Variants in SNUPN observed in about 807,000 individuals in gnomAD.
SNUPN encodes the protein snurportin-1.
A neutral mutation model predicts 39.2 loss-of-function variants in SNUPN; 31 were observed. The observed-to-expected ratio is 0.79, with a 90% CI of 0.59 to 1.07. The LOEUF (loss-of-function observed/expected upper bound fraction) is 1.07, where lower values mean the gene tolerates loss of function less well. Among genes scored for constraint, SNUPN ranks in the 50% least tolerant of loss-of-function variants. SNUPN has a pLI of 0.00. For missense variants in SNUPN, 382 were observed against 434.2 expected, an observed-to-expected ratio of 0.88 and a Z score of 1.07; for synonymous variants, 132 against 159.0, an observed-to-expected ratio of 0.83 and a Z score of 1.28.
Position 75,617,503 on chromosome 15 carries a change from A to G in SNUPN, c.208T>C (p.Trp70Arg). The G allele has an allele frequency of 6.2e-7, 1 of 1,613,916 alleles. No homozygotes were observed. Among genetic ancestry groups the G allele is most frequent in the Non-Finnish European group, 8.5e-7 (1 of 1,180,004 alleles). ...NHARRLAEDD[W>R]TGMESEEENK... The stretch of plus-strand genomic sequence containing the variant: ...TCTTCCTCACTCTCCATCCCTGTCC[A>G]GTCATCTTCAGCCAGTCTTCTGGCA... The change falls in exon 3 of 9, where the codon TGG (tryptophan) becomes CGG (arginine). Residue 70 changes from tryptophan (W) to arginine (R), a missense_variant. Coordinates refer to ENST00000308588, the MANE Select transcript of SNUPN (RefSeq NM_005701.4).
chr15:75,626,065 C>G (rs1893220699), upstream of SNUPN: 2 of 152,474 alleles, frequency 1.3e-5, no homozygotes, highest in South Asian at 2.1e-4. Flanking sequence ...CTGCCGCCTC[C>G]CGCAGATCTT....
At chr15:75,601,785 A>G (rs1218144178) in intron 7 of SNUPN, among the ~76,000 whole-genome samples, 2 of 152,060 alleles carry the variant, frequency 1.3e-5, no homozygotes, top group African/African-American at 4.8e-5. Flanking sequence ...GCCAAAACAA[A>G]AAAACAAAGA....
chr15:75,598,220 A>G lies in SNUPN; in HGVS notation c.*138T>C. 1.5e-6 allele frequency: 1 copy of G among 656,424 alleles called. No individual in the cohort carries two copies. The highest frequency in any genetic ancestry group is 1.8e-5 in the African/African-American group (1 of 55,132). The allele number at this position is 656,424 out of a possible 1,614,324, so 40.7% of individuals were successfully genotyped here. A position where few individuals can be genotyped will look rare whatever the true frequency, so the allele number is the denominator to read the frequency against. On this transcript the variant is annotated 3_prime_UTR_variant, in exon 9 of 9. Transcript: ENST00000308588. ...TGTTTGAGCCAGCATTTCAGATTAT[A>G]GATAAGCTGTTTCCAGCTGGACTGG...
At chr15:75,623,923 AAAT>A (rs1893142628) in intron 1 of SNUPN, among the ~76,000 whole-genome samples, 1 of 134,138 alleles carries the variant, frequency 7.5e-6, no homozygotes, top group East Asian at 2.1e-4. Flanking sequence ...TTTCATGATA[AAAT>A]TTTTTTTTTT....
intron 7 of SNUPN, among the ~76,000 whole-genome samples, chr15:75,604,949 A>G (rs2075319953): frequency 6.6e-6 from 1 of 152,162 alleles, no homozygotes; most frequent in South Asian, 2.1e-4. Flanking sequence ...TTAGCTCCCA[A>G]TTATGAGTGA....
In SNUPN at chr15:75,616,318, T is replaced by C. The variant is rs572478506; in HGVS notation, c.303+1090A>G. 2.6e-5 allele frequency among the ~76,000 whole-genome samples: 4 copies of C among 151,612 alleles called. No individual in the cohort carries two copies. In the East Asian group the frequency reaches 7.8e-4, roughly 30 times the overall value. The stretch of plus-strand genomic sequence containing the variant: ...CTAAAAATACAAAAACTTAGCCGGG[T>C]GTGGTGGCAGGCATCTGTAATCCCA... On this transcript the variant is annotated intron_variant, in intron 3 of 8. Transcript: ENST00000308588.
chr15:75,612,323 G>A (rs1340592926), intron 3 of SNUPN, among the ~76,000 whole-genome samples: 1 of 152,076 alleles, frequency 6.6e-6, no homozygotes, highest in African/African-American at 2.4e-5. Flanking sequence ...ATGAGCCACT[G>A]TGCCTGGCCT....
At chr15:75,600,838 G>T in intron 8 of SNUPN, 1 of 322,944 alleles carries the variant, frequency 3.1e-6, no homozygotes, top group Non-Finnish European at 5.9e-6. Flanking sequence ...ATCTAGGCAT[G>T]CAAGTCTTGC....
chr15:75,614,902 T>C (rs952979956), intron 3 of SNUPN, among the ~76,000 whole-genome samples: 2 of 152,114 alleles, frequency 1.3e-5, no homozygotes, highest in Non-Finnish European at 2.9e-5. Context: ...AGATAAGTAC[T>C]ATTACTATCC....
intron 3 of SNUPN, among the ~76,000 whole-genome samples, chr15:75,616,829 T>C (rs1892951257): frequency 6.6e-6 from 1 of 152,216 alleles, no homozygotes; most frequent in African/African-American, 2.4e-5. Flanking sequence ...GTCAGGTTTA[T>C]TATAGTGATC....
intron 3 of SNUPN, among the ~76,000 whole-genome samples, chr15:75,612,629 C>G (rs1892814963): frequency 6.6e-6 from 1 of 152,040 alleles, no homozygotes; most frequent in East Asian, 1.9e-4. Flanking sequence ...CCACACTCAT[C>G]TATATTGCGA....
At chr15:75,621,757 G>A (rs952807661) in intron 1 of SNUPN, among the ~76,000 whole-genome samples, 2 of 152,148 alleles carry the variant, frequency 1.3e-5, no homozygotes, top group African/African-American at 2.4e-5. Flanking sequence ...CCCCAAACTC[G>A]CCAGGCACGA....
rs1010391767 is a variant in SNUPN, at chr15:75,621,160, T to C, written c.-5-104A>G. The C allele has an allele frequency of 4.4e-6, 5 of 1,141,696 alleles. No individual in the cohort carries two copies. In the East Asian group the frequency reaches 1.0e-4, roughly 23 times the overall value. 70.7% of individuals were successfully genotyped at this position (1,141,696 alleles called of 1,614,324 possible). ...TGATGGCCACATTCCTGAAAAAAAA[T>C]TAACTTAATGCAAAATCACAAGTGT... On this transcript the variant is annotated intron_variant, in intron 1 of 8. Coordinates refer to ENST00000308588, the MANE Select transcript of SNUPN (RefSeq NM_005701.4).
At chr15:75,619,800 G>A (rs920934225) in intron 2 of SNUPN, among the ~76,000 whole-genome samples, 5 of 152,058 alleles carry the variant, frequency 3.3e-5, no homozygotes, top group Non-Finnish European at 5.9e-5. Flanking sequence ...CCAGGCTGGA[G>A]TGCAATGGCG....
Position 75,609,606 on chromosome 15 carries a change from A to G in SNUPN, c.454T>C (p.Phe152Leu). 5 of 1,613,922 alleles carry G rather than the reference A, an allele frequency of 3.1e-6. No homozygotes were observed. The highest frequency in any genetic ancestry group is 4.2e-6 in the Non-Finnish European group (5 of 1,179,892). ...YTKSGYCVNR[F>L]SSLLPGGNRR... ...TTGCCTCCTGGCAGAAGTGAAGAAA[A>G]CCTGTTGACACAGTAGCCACTCTTG... The change falls in exon 5 of 9, where the codon TTT becomes CTT. Residue 152 changes from phenylalanine (F) to leucine (L), a missense_variant. Phe to Leu is a conservative substitution (Grantham distance 22, BLOSUM62 0). Transcript: ENST00000308588.
chr15:75,624,240 A>T (rs1273470301), intron 1 of SNUPN, among the ~76,000 whole-genome samples: 1 of 151,026 alleles, frequency 6.6e-6, no homozygotes, highest in African/African-American at 2.4e-5. Context: ...AAAAATTTTT[A>T]AAAAGTCATT....
intron 8 of SNUPN, 143 bp downstream of exon 8, chr15:75,600,995 G>A: frequency 1.5e-6 from 1 of 678,222 alleles, no homozygotes; most frequent in Admixed American, 2.1e-5. Flanking sequence ...AGGGCAGCAA[G>A]TACATCCTTT....
chr15:75,615,183 C>T (rs532484020), intron 3 of SNUPN, among the ~76,000 whole-genome samples: 1 of 152,086 alleles, frequency 6.6e-6, no homozygotes. Flanking sequence ...ACCCATCACA[C>T]CTGGCTAATT....
At chr15:75,618,909 T>C (rs1893000516) in intron 2 of SNUPN, among the ~76,000 whole-genome samples, 1 of 150,304 alleles carries the variant, frequency 6.7e-6, no homozygotes, top group Non-Finnish European at 1.5e-5. Context: ...ACGGAATACC[T>C]AGCACCACGA....
Sources: allele counts gnomAD v4.1 joint callset (sites outside exome capture counted in the v4.1 genomes callset), GRCh38; gene constraint gnomAD v4.1.1; transcripts MANE v1.5; gene names NCBI Gene and HGNC (gene_info 2026-07-23, HGNC 2026-07-21).